Variants in PLXNA4 observed in about 807,000 individuals in gnomAD.
PLXNA4 encodes the protein plexin-A4.
PLXNA4 carries 44 observed loss-of-function variants against 191.8 expected under a neutral mutation model. That is an observed-to-expected ratio of 0.23 (90% CI 0.18 to 0.29). PLXNA4 has a LOEUF of 0.29. Ranked by LOEUF, PLXNA4 falls within the 10% of genes least tolerant of loss-of-function variation. The pLI, the probability that PLXNA4 is intolerant of heterozygous loss-of-function variation, is 1.00. For missense variants in PLXNA4, 1,800 were observed against 2,488.8 expected, an observed-to-expected ratio of 0.72 and a Z score of 5.89; for synonymous variants, 1,082 against 1,009.5, an observed-to-expected ratio of 1.07 and a Z score of -1.36.
chr7:132,586,987 G>A (rs1404587464), intron 2 of PLXNA4, among the ~76,000 whole-genome samples: 2 of 152,200 alleles, frequency 1.3e-5, no homozygotes, highest in Non-Finnish European at 2.9e-5. Context: ...AATCAATAGT[G>A]AAATACTGCC....
chr7:132,158,745 G>A (rs772583286), intron 25 of PLXNA4, among the ~76,000 whole-genome samples: 16 of 152,278 alleles, frequency 1.1e-4, no homozygotes, highest in Non-Finnish European at 1.8e-4. Context: ...GGCCCTCAAG[G>A]CTGGAACCAC....
intron 3 of PLXNA4, among the ~76,000 whole-genome samples, chr7:132,432,605 T>C (rs1795308605): frequency 1.3e-5 from 2 of 151,958 alleles, no homozygotes; most frequent in African/African-American, 2.4e-5. Flanking sequence ...TGATGGGGTG[T>C]GGGGAAGGAC....
intron 2 of PLXNA4, among the ~76,000 whole-genome samples, chr7:132,611,784 G>C (rs1803050927): frequency 6.6e-6 from 1 of 152,194 alleles, no homozygotes; most frequent in African/African-American, 2.4e-5. Context: ...AGCCTTCTCT[G>C]TGACCTTGAT....
rs1797662851 is a variant in PLXNA4 at position 132,207,458 on chromosome 7, T to G, written c.2298+3485A>C. On this transcript the variant is annotated intron_variant, in intron 10 of 31. Transcript: ENST00000321063. ...CACTATTATTAGCAGCACTTGACAT[T>G]TTCCTAGAGCATTGGTCTAAAGTAG... 2.0e-5 allele frequency among the ~76,000 whole-genome samples: 3 copies of G among 152,230 alleles called. No homozygotes were observed. In the South Asian group the frequency reaches 6.2e-4, roughly 32 times the overall value.
chr7:132,355,206 C>T (rs1032022142), intron 3 of PLXNA4, among the ~76,000 whole-genome samples: 4 of 152,118 alleles, frequency 2.6e-5, no homozygotes, highest in Non-Finnish European at 4.4e-5. Context: ...GGTGAGTTAC[C>T]GCAGGGATGA....
At chr7:132,500,357 C>T (rs1373778097) in intron 2 of PLXNA4, among the ~76,000 whole-genome samples, 1 of 151,942 alleles carries the variant, frequency 6.6e-6, no homozygotes, top group African/African-American at 2.4e-5. Flanking sequence ...GCAGGAGAAT[C>T]GCTTGAACCC....
At chr7:132,576,601 C>T (rs913297956), upstream of PLXNA4, 11 of 985,856 alleles carry the variant, frequency 1.1e-5, no homozygotes, top group African/African-American at 1.9e-4. This position sits in a 1 kb window ranked among gnomAD's most constrained non-coding sequence, Gnocchi z 5.8. Context: ...CGGGAGCAGC[C>T]GAGGAACGCG....
chr7:132,350,907 G>A (rs1803459250), intron 3 of PLXNA4, among the ~76,000 whole-genome samples: 1 of 152,224 alleles, frequency 6.6e-6, no homozygotes, highest in Non-Finnish European at 1.5e-5. Context: ...GATAAAGAAT[G>A]GGTGAATAAA....
intron 4 of PLXNA4, among the ~76,000 whole-genome samples, chr7:132,292,987 G>A (rs936856375): frequency 1.3e-5 from 2 of 152,184 alleles, no homozygotes; most frequent in Non-Finnish European, 2.9e-5. Flanking sequence ...AAGGAGCTGG[G>A]CTCAGGGACA....
chr7:132,635,201 T>TATATATATATATATATATATAC (rs1202922683), intron 2 of PLXNA4, among the ~76,000 whole-genome samples: 7 of 130,934 alleles, frequency 5.3e-5, no homozygotes, highest in African/African-American at 2.0e-4. Context: ...TATATATATA[T>TATATATATATATATATATATAC]ACGTATCCTA....
At chr7:132,156,451 A>G (rs1380402234) in intron 25 of PLXNA4, among the ~76,000 whole-genome samples, 3 of 152,190 alleles carry the variant, frequency 2.0e-5, no homozygotes, top group Admixed American at 1.3e-4. Context: ...ACTTGGGACA[A>G]TGACGGGGTG....
chr7:132,130,822 G>T (rs1238158028), intron 31 of PLXNA4, among the ~76,000 whole-genome samples: 1 of 152,168 alleles, frequency 6.6e-6, no homozygotes, highest in African/African-American at 2.4e-5. Context: ...ATGTCTGAAT[G>T]ACTGTGTGCA....
At chr7:132,529,893 C>T (rs1799560109) in intron 1 of PLXNA4, among the ~76,000 whole-genome samples, 1 of 152,222 alleles carries the variant, frequency 6.6e-6, no homozygotes, top group Non-Finnish European at 1.5e-5. Flanking sequence ...GCGTGAGCCA[C>T]CGCGCCTGGC....
chr7:132,221,584 A>T (rs1039221479), intron 9 of PLXNA4, among the ~76,000 whole-genome samples: 5 of 152,210 alleles, frequency 3.3e-5, no homozygotes, highest in Non-Finnish European at 7.3e-5. Context: ...GCCTTTTATC[A>T]AGGACATGCC....
At chr7:132,616,152 C>A (rs954379417) in intron 2 of PLXNA4, among the ~76,000 whole-genome samples, 4 of 152,150 alleles carry the variant, frequency 2.6e-5, no homozygotes, top group Non-Finnish European at 5.9e-5. Context: ...CTACCTGACA[C>A]ACACATGGTC....
intron 3 of PLXNA4, among the ~76,000 whole-genome samples, chr7:132,396,920 T>G (rs181200115): frequency 1.2e-4 from 18 of 152,336 alleles, no homozygotes; most frequent in African/African-American, 4.3e-4. Context: ...TGCCTTGGTG[T>G]GGGAAATAGA....
At chr7:132,590,904 G>A (rs904237302) in intron 2 of PLXNA4, among the ~76,000 whole-genome samples, 9 of 152,068 alleles carry the variant, frequency 5.9e-5, no homozygotes, top group South Asian at 2.1e-4. Flanking sequence ...AGGTGGCTCC[G>A]GGCTTGGTGC....
At chr7:132,340,624 C>G (rs1802991851) in intron 3 of PLXNA4, among the ~76,000 whole-genome samples, 1 of 152,094 alleles carries the variant, frequency 6.6e-6, no homozygotes, top group South Asian at 2.1e-4. Flanking sequence ...GGAAAGAGCA[C>G]AAGAGAATTG....
intron 29 of PLXNA4, among the ~76,000 whole-genome samples, chr7:132,143,038 T>C (rs756116539): frequency 3.3e-4 from 50 of 151,952 alleles, no homozygotes; most frequent in Non-Finnish European, 6.0e-4. Context: ...TCTGGTTGAT[T>C]GCAGCCACTC....
Sources: gnomAD v4.1 joint callset for allele counts (sites outside exome capture counted in the v4.1 genomes callset) on GRCh38, gnomAD v4.1.1 for gene constraint, Gnocchi (gnomAD v3.1) non-coding constraint, MANE v1.5 for transcripts, NCBI Gene and HGNC (gene_info 2026-07-23, HGNC 2026-07-21) for gene names.